REDIC1: variants seen among roughly 807,000 people sequenced by gnomAD.
REDIC1 encodes the protein regulator of DNA class I crossover intermediates 1.
At chr12:39,848,530 C>T in the REDIC1 span, among the ~76,000 whole-genome samples, 2 of 152,094 alleles carry the variant, frequency 1.3e-5, no homozygotes. Context: ...ATAACAGATG[C>T]TGGTGAGGTT....
the REDIC1 span, among the ~76,000 whole-genome samples, chr12:39,669,717 G>A: frequency 6.6e-6 from 1 of 152,210 alleles, no homozygotes; most frequent in South Asian, 2.1e-4. Flanking sequence ...GGAGCTTCCT[G>A]GCTGCTTTGT....
the REDIC1 span, among the ~76,000 whole-genome samples, chr12:39,851,957 T>C: frequency 6.6e-6 from 1 of 152,228 alleles, no homozygotes; most frequent in Non-Finnish European, 1.5e-5. Context: ...ATGGGAACAA[T>C]GTCTTATATA....
chr12:39,765,722 T>TA, the REDIC1 span, among the ~76,000 whole-genome samples: 1 of 152,196 alleles, frequency 6.6e-6, no homozygotes, highest in Admixed American at 6.5e-5. Flanking sequence ...TGGCCTCATT[T>TA]AAAAAAATTA....
the REDIC1 span, among the ~76,000 whole-genome samples, chr12:39,766,932 C>T: frequency 6.6e-6 from 1 of 152,052 alleles, no homozygotes; most frequent in African/African-American, 2.4e-5. Flanking sequence ...GTCTTCAGCC[C>T]TTTAAAGTCA....
At chr12:39,679,458 A>G in the REDIC1 span, among the ~76,000 whole-genome samples, 1 of 152,344 alleles carries the variant, frequency 6.6e-6, no homozygotes, top group South Asian at 2.1e-4. Context: ...AGATATCTAC[A>G]AGAAAAACTA....
the REDIC1 span, among the ~76,000 whole-genome samples, chr12:39,669,029 A>G: frequency 6.6e-6 from 1 of 152,068 alleles, no homozygotes; most frequent in Admixed American, 6.6e-5. Context: ...TAGTTTGATC[A>G]TCTGAAGCCT....
At chr12:39,785,745 A>C in the REDIC1 span, among the ~76,000 whole-genome samples, 1 of 152,126 alleles carries the variant, frequency 6.6e-6, no homozygotes, top group Admixed American at 6.5e-5. Context: ...GCCCAAGACC[A>C]TGGGAACCCA....
At chr12:39,891,751 G>T in the REDIC1 span, among the ~76,000 whole-genome samples, 3 of 152,144 alleles carry the variant, frequency 2.0e-5, no homozygotes, top group Non-Finnish European at 4.4e-5. Flanking sequence ...CTCAGATCAG[G>T]GCTCAGTCCC....
the REDIC1 span, chr12:39,764,877 T>TAAG: frequency 1.9e-6 from 3 of 1,608,860 alleles, no homozygotes; most frequent in Admixed American, 1.7e-5. Flanking sequence ...TAATGCAATA[T>TAAG]AAGTATTAAC....
the REDIC1 span, among the ~76,000 whole-genome samples, chr12:39,630,856 A>G: frequency 1.3e-5 from 2 of 152,206 alleles, no homozygotes; most frequent in East Asian, 3.8e-4. Flanking sequence ...AATGTGGGTA[A>G]TACTTAAACG....
chr12:39,661,147 T>C, the REDIC1 span, among the ~76,000 whole-genome samples: 1 of 152,160 alleles, frequency 6.6e-6, no homozygotes, highest in Non-Finnish European at 1.5e-5. Flanking sequence ...GATAGACTGT[T>C]TTCCTTTTAT....
the REDIC1 span, among the ~76,000 whole-genome samples, chr12:39,848,821 C>G: frequency 3.3e-5 from 5 of 152,088 alleles, no homozygotes; most frequent in Non-Finnish European, 5.9e-5. Context: ...TACATATACA[C>G]CAGGGAATAT....
the REDIC1 span, chr12:39,646,915 G>C: frequency 6.7e-7 from 1 of 1,486,582 alleles, no homozygotes; most frequent in Non-Finnish European, 9.2e-7. Flanking sequence ...AATTCTATAG[G>C]TTATTTCAGC....
At chr12:39,704,138 C>A in the REDIC1 span, among the ~76,000 whole-genome samples, 1 of 151,630 alleles carries the variant, frequency 6.6e-6, no homozygotes, top group African/African-American at 2.4e-5. Context: ...GAACAGGCAA[C>A]CTACAAAATG....
the REDIC1 span, among the ~76,000 whole-genome samples, chr12:39,659,631 A>G: frequency 1.3e-5 from 2 of 151,982 alleles, no homozygotes; most frequent in African/African-American, 4.8e-5. Flanking sequence ...CCATGTATCT[A>G]TTAGGCATGT....
At chr12:39,713,206 CAT>C in the REDIC1 span, among the ~76,000 whole-genome samples, 738 of 143,568 alleles carry the variant, frequency 5.1e-3, 30 homozygotes, top group African/African-American at 0.015. Context: ...TTTGCATATT[CAT>C]ATATGTTTAT....
At chr12:39,742,874 C>T in the REDIC1 span, among the ~76,000 whole-genome samples, 1 of 152,092 alleles carries the variant, frequency 6.6e-6, no homozygotes. Context: ...TTACTATTTA[C>T]CAGAGCAGAA....
chr12:39,717,684 G>T, the REDIC1 span, among the ~76,000 whole-genome samples: 1 of 152,116 alleles, frequency 6.6e-6, no homozygotes, highest in African/African-American at 2.4e-5. Context: ...TTTTAATATG[G>T]TACCAATTCT....
the REDIC1 span, among the ~76,000 whole-genome samples, chr12:39,724,181 C>G: frequency 1.3e-5 from 2 of 152,138 alleles, no homozygotes; most frequent in Non-Finnish European, 2.9e-5. Context: ...AAATACTCCT[C>G]CCTTGCCTCT....
Sources: gnomAD v4.1 joint callset for allele counts (sites outside exome capture counted in the v4.1 genomes callset) on GRCh38, gnomAD v4.1.1 for gene constraint, MANE v1.5 for transcripts, NCBI Gene and HGNC (gene_info 2026-07-23, HGNC 2026-07-21) for gene names.